Variants in HMBOX1 observed in about 807,000 individuals in gnomAD.
HMBOX1 encodes the protein homeobox containing 1.
In HMBOX1, 14 loss-of-function variants were observed where a neutral mutation model predicts 54.5. The observed-to-expected ratio is 0.26, with a 90% CI of 0.17 to 0.40. The LOEUF (loss-of-function observed/expected upper bound fraction) is 0.40, where lower values mean the gene tolerates loss of function less well. Ranked by LOEUF, HMBOX1 falls within the 10% of genes least tolerant of loss-of-function variation. HMBOX1 has a pLI of 1.00. For missense variants in HMBOX1, 332 were observed against 514.4 expected, an observed-to-expected ratio of 0.65 and a Z score of 3.43; for synonymous variants, 160 against 181.0, an observed-to-expected ratio of 0.88 and a Z score of 0.93.
intron 4 of HMBOX1, among the ~76,000 whole-genome samples, chr8:28,982,189 C>T (rs565446957): frequency 2.4e-4 from 37 of 152,182 alleles, no homozygotes; most frequent in South Asian, 1.5e-3. Flanking sequence ...GCCGAGATCG[C>T]GCCACTGCAC....
At chr8:29,002,303 G>A (rs570411494) in intron 4 of HMBOX1, among the ~76,000 whole-genome samples, 3 of 152,306 alleles carry the variant, frequency 2.0e-5, no homozygotes, top group South Asian at 2.1e-4. Flanking sequence ...GGGTGGGGCA[G>A]TGGGAGAGAG....
intron 5 of HMBOX1, among the ~76,000 whole-genome samples, chr8:29,013,760 G>T (rs1834558081): frequency 6.6e-6 from 1 of 152,202 alleles, no homozygotes; most frequent in Admixed American, 6.5e-5. Context: ...ATTCAGGATG[G>T]TTGACATCAA....
At position 28,961,314 on chromosome 8, in the gene HMBOX1, A is replaced by G. The variant is rs79078370; in HGVS notation, c.-57-2497A>G. ...AGCAGTCACCACCATCCATTTCCAG[A>G]ACATTTTCATCCTCACAGATTGAAA... On this transcript the variant is annotated intron_variant, in intron 1 of 9. Transcript: ENST00000287701. 5.7e-3 allele frequency among the ~76,000 whole-genome samples: 869 copies of G among 152,292 alleles called. 4 individuals carry two copies. The highest frequency in any genetic ancestry group is 0.02 in the African/African-American group (844 of 41,564).
Position 28,957,393 on chromosome 8 carries a change from C to T in HMBOX1, c.-57-6418C>T, listed in dbSNP as rs146986750. Among the ~76,000 whole-genome samples, 991 of 152,226 alleles carry T rather than the reference C, an allele frequency of 6.5e-3. 14 individuals are homozygous for T. The highest frequency in any genetic ancestry group is 0.022 in the African/African-American group (932 of 41,536). On this transcript the variant is annotated intron_variant, in intron 1 of 9. Transcript: ENST00000287701. ...CACATAAAGATGAGAGCAGTAGACA[C>T]TGGAGACTCCAGGAGTGGGGAAGGA...
At chr8:28,981,239 A>G (rs1484694509) in intron 4 of HMBOX1, among the ~76,000 whole-genome samples, 1 of 152,156 alleles carries the variant, frequency 6.6e-6, no homozygotes, top group Non-Finnish European at 1.5e-5. Context: ...AATATATTAC[A>G]CTAGTAATAT....
At chr8:29,015,554 GA>G (rs1251786891) in intron 5 of HMBOX1, among the ~76,000 whole-genome samples, 4 of 152,256 alleles carry the variant, frequency 2.6e-5, no homozygotes, top group Admixed American at 2.0e-4. Context: ...CTTGTTTTCA[GA>G]AAAGCACTAT....
chr8:28,893,579 T>C (rs902953792), intron 1 of HMBOX1, among the ~76,000 whole-genome samples: 1 of 152,224 alleles, frequency 6.6e-6, no homozygotes, highest in African/African-American at 2.4e-5. Context: ...TTCACTGCTG[T>C]ACAAACAGAT....
At chr8:28,951,190 T>G (rs1823351310) in intron 1 of HMBOX1, among the ~76,000 whole-genome samples, 1 of 152,234 alleles carries the variant, frequency 6.6e-6, no homozygotes, top group Non-Finnish European at 1.5e-5. Context: ...TGGAGTGCAG[T>G]GGCACGTTCT....
chr8:28,939,586 C>T (rs1441771965), intron 1 of HMBOX1, among the ~76,000 whole-genome samples: 4 of 152,010 alleles, frequency 2.6e-5, no homozygotes, highest in Non-Finnish European at 4.4e-5. Flanking sequence ...CGGCTCACTG[C>T]AATCTCCGCC....
chr8:28,956,993 C>A (rs1039198934), intron 1 of HMBOX1, among the ~76,000 whole-genome samples: 47 of 152,114 alleles, frequency 3.1e-4, no homozygotes, highest in Non-Finnish European at 1.3e-4. Flanking sequence ...AAACAACAGA[C>A]GTTGGCAAGG....
At chr8:29,046,818 CA>C (rs1407077305) in intron 7 of HMBOX1, among the ~76,000 whole-genome samples, 1 of 152,158 alleles carries the variant, frequency 6.6e-6, no homozygotes, top group Non-Finnish European at 1.5e-5. Context: ...CCCATCTCTA[CA>C]AAAACCACAA....
At chr8:28,960,765 CTTTTTTTTTTTTTTTTTTTTTTTTTT>C (rs1162477676) in intron 1 of HMBOX1, among the ~76,000 whole-genome samples, 2 of 16,260 alleles carry the variant, frequency 1.2e-4, no homozygotes, top group Non-Finnish European at 2.6e-4. Flanking sequence ...TTTTCTTTTT[CTTTTTTTTTTTTTTTTTTTTTTTTTT>C]TTTTTTTTTT....
chr8:28,979,986 C>A lies in HMBOX1; in HGVS notation c.501-85C>A, dbSNP rs1829082532. 4 of 989,574 alleles carry A rather than the reference C, an allele frequency of 4.0e-6. No individual in the cohort carries two copies. The East Asian group carries it at 7.2e-5, about 18-fold the overall frequency. 61.3% of individuals were successfully genotyped at this position (989,574 alleles called of 1,614,324 possible). ...TTGTGTCCTTTCTGTGTTCTCCCCACCTCTCTGCTTCACCTTTCTTTTAGC... is the reference window on the plus strand; with the variant it reads ...TTGTGTCCTTTCTGTGTTCTCCCCAACTCTCTGCTTCACCTTTCTTTTAGC... On this transcript the variant is annotated intron_variant, in intron 3 of 9. Transcript: ENST00000287701.
rs71222583 is a variant in HMBOX1 at position 28,973,803 on chromosome 8, GTTTTTTTTTTTTTTTT to G, written c.500+3300_500+3315del. ...TAATAATTTCGAGATACATAATGGA[GTTTTTTTTTTTTTTTT>G]TTTTTTTTTTTTTTTGAGACAGTCT... On this transcript the variant is annotated intron_variant, in intron 3 of 9. Transcript: ENST00000287701. Among the ~76,000 whole-genome samples, 179 of 72,656 alleles carry G rather than the reference GTTTTTTTTTTTTTTTT, an allele frequency of 2.5e-3. 1 individual carries two copies. Among genetic ancestry groups the G allele is most frequent in the African/African-American group, 8.5e-3 (164 of 19,328 alleles). 47.7% of individuals were successfully genotyped at this position (72,656 alleles called of 152,430 possible). A position where few individuals can be genotyped will look rare whatever the true frequency, so the allele number is the denominator to read the frequency against.
At chr8:28,931,869 C>T (rs968221873) in intron 1 of HMBOX1, among the ~76,000 whole-genome samples, 1 of 152,262 alleles carries the variant, frequency 6.6e-6, no homozygotes, top group East Asian at 1.9e-4. Flanking sequence ...AATGTAATTA[C>T]TAGGAAAACA....
intron 6 of HMBOX1, among the ~76,000 whole-genome samples, chr8:29,037,891 C>G (rs1222850293): frequency 1.3e-5 from 2 of 152,118 alleles, no homozygotes; most frequent in Admixed American, 1.3e-4. Flanking sequence ...TGCCCACTGC[C>G]CAGTAAGTTT....
intron 5 of HMBOX1, chr8:29,009,496 T>A: frequency 1.1e-6 from 1 of 887,654 alleles, no homozygotes; most frequent in Non-Finnish European, 1.3e-6. Flanking sequence ...TTTCTTCAAC[T>A]ACATAACTAC....
At chr8:29,012,300 A>C (rs1288656414) in intron 5 of HMBOX1, among the ~76,000 whole-genome samples, 1 of 152,222 alleles carries the variant, frequency 6.6e-6, no homozygotes, top group African/African-American at 2.4e-5. Context: ...ATGTTAGCTT[A>C]TAGGACAGCA....
intron 1 of HMBOX1, among the ~76,000 whole-genome samples, chr8:28,934,306 CT>C (rs1159000997): frequency 6.6e-6 from 1 of 152,076 alleles, no homozygotes; most frequent in East Asian, 1.9e-4. Flanking sequence ...TAGAAAAGAA[CT>C]TTCTTAAACT....
Sources: allele counts gnomAD v4.1 joint callset (sites outside exome capture counted in the v4.1 genomes callset), GRCh38; gene constraint gnomAD v4.1.1; transcripts MANE v1.5; gene names NCBI Gene and HGNC (gene_info 2026-07-23, HGNC 2026-07-21).